Variants in FBXO4 observed in about 807,000 individuals in gnomAD.
FBXO4 encodes the protein F-box protein 4, also known as F-box only protein 4.
A neutral mutation model predicts 43.7 loss-of-function variants in FBXO4; 36 were observed. The ratio of observed to expected loss-of-function variants is 0.82; its 90% CI spans 0.63 to 1.09. The LOEUF is 1.09. Ranked by LOEUF, FBXO4 falls within the 50% of genes least tolerant of loss-of-function variation. FBXO4 has a pLI of 0.00. For missense variants in FBXO4, 435 were observed against 474.1 expected (o/e 0.92, Z 0.77); for synonymous variants, 180 against 165.6 (o/e 1.09, Z -0.67).
chr5:42,033,131 A>C, the FBXO4 span, among the ~76,000 whole-genome samples: 1 of 152,134 alleles, frequency 6.6e-6, no homozygotes, highest in Non-Finnish European at 1.5e-5. Flanking sequence ...TCCTCTACTT[A>C]AGTGGAAGGA....
chr5:41,954,466 A>G, the FBXO4 span, among the ~76,000 whole-genome samples: 1 of 152,216 alleles, frequency 6.6e-6, no homozygotes, highest in East Asian at 1.9e-4. Context: ...TCAGACCTGT[A>G]TAACCACTCT....
the FBXO4 span, among the ~76,000 whole-genome samples, chr5:42,026,084 T>C: frequency 7.6e-4 from 116 of 152,088 alleles, 1 homozygote; most frequent in African/African-American, 2.7e-3. Flanking sequence ...AGAATGTCAC[T>C]GGTATTTTGA....
At chr5:41,940,129 G>C (rs1751967538) in intron 6 of FBXO4, among the ~76,000 whole-genome samples, 1 of 151,776 alleles carries the variant, frequency 6.6e-6, no homozygotes, top group Non-Finnish European at 1.5e-5. Flanking sequence ...GGGATTACAG[G>C]TGTGAGCCAT....
the FBXO4 span, among the ~76,000 whole-genome samples, chr5:41,958,373 A>G: frequency 1.3e-5 from 2 of 152,128 alleles, no homozygotes; most frequent in African/African-American, 4.8e-5. Flanking sequence ...TGACCTCGTG[A>G]TCGCCCACCT....
At chr5:42,009,988 A>G in the FBXO4 span, among the ~76,000 whole-genome samples, 1 of 152,110 alleles carries the variant, frequency 6.6e-6, no homozygotes, top group East Asian at 1.9e-4. Flanking sequence ...TATAAATTTG[A>G]TTACTCTAGG....
the FBXO4 span, among the ~76,000 whole-genome samples, chr5:41,953,757 G>A: frequency 1.3e-5 from 2 of 151,638 alleles, no homozygotes; most frequent in South Asian, 2.1e-4. Flanking sequence ...GTGATGATGA[G>A]CATTTTTTCA....
intron 5 of FBXO4, among the ~76,000 whole-genome samples, chr5:41,938,376 T>TG (rs1412090903): frequency 2.0e-5 from 3 of 152,100 alleles, no homozygotes; most frequent in Non-Finnish European, 4.4e-5. Flanking sequence ...ACTAAGCCAG[T>TG]AGTGGATATA....
chr5:42,008,893 AG>A, the FBXO4 span, among the ~76,000 whole-genome samples: 1 of 152,092 alleles, frequency 6.6e-6, no homozygotes, highest in African/African-American at 2.4e-5. Flanking sequence ...AGGCCAGGCA[AG>A]GGGTTTCATT....
chr5:42,011,061 G>A, the FBXO4 span, among the ~76,000 whole-genome samples: 5 of 152,158 alleles, frequency 3.3e-5, no homozygotes, highest in Non-Finnish European at 4.4e-5. Context: ...AGTGTGTGAT[G>A]TTCCCTTTCC....
chr5:42,036,841 A>G, the FBXO4 span, among the ~76,000 whole-genome samples: 1 of 152,030 alleles, frequency 6.6e-6, no homozygotes, highest in East Asian at 1.9e-4. Flanking sequence ...TACCATATGC[A>G]TTTTGAAAGC....
At chr5:41,988,716 T>G in the FBXO4 span, among the ~76,000 whole-genome samples, 2 of 152,228 alleles carry the variant, frequency 1.3e-5, no homozygotes, top group Non-Finnish European at 1.5e-5. Context: ...AGCAGTTTGC[T>G]CTATGATCTC....
intron 3 of FBXO4, among the ~76,000 whole-genome samples, chr5:41,930,955 G>A (rs1021924878): frequency 3.3e-5 from 5 of 152,128 alleles, no homozygotes; most frequent in East Asian, 1.9e-4. Flanking sequence ...CGCGCCCGGC[G>A]GAGAACTACA....
chr5:41,973,143 A>G, the FBXO4 span, among the ~76,000 whole-genome samples: 2 of 152,162 alleles, frequency 1.3e-5, no homozygotes, highest in African/African-American at 4.8e-5. Context: ...ACAACCTACA[A>G]AGTGGGAAAA....
chr5:41,978,951 A>C, the FBXO4 span, among the ~76,000 whole-genome samples: 1 of 152,040 alleles, frequency 6.6e-6, no homozygotes, highest in Non-Finnish European at 1.5e-5. Flanking sequence ...AAAGGTATTG[A>C]TCCTCTTAAG....
chr5:41,984,152 T>A, the FBXO4 span, among the ~76,000 whole-genome samples: 1 of 152,158 alleles, frequency 6.6e-6, no homozygotes, highest in African/African-American at 2.4e-5. Context: ...TTAGCAAATT[T>A]TATCCATGGC....
At chr5:41,951,078 G>C in the FBXO4 span, among the ~76,000 whole-genome samples, 10 of 152,180 alleles carry the variant, frequency 6.6e-5, no homozygotes, top group Non-Finnish European at 1.5e-4. Flanking sequence ...AGGGGGCTAA[G>C]GGAGGGATAG....
chr5:41,983,866 T>C, the FBXO4 span, among the ~76,000 whole-genome samples: 12,859 of 152,010 alleles, frequency 0.085, 726 homozygotes, highest in African/African-American at 0.16. Context: ...AATTATATAT[T>C]TTTTAGTTTT....
chr5:41,967,982 G>T, the FBXO4 span: 1 of 461,214 alleles, frequency 2.2e-6, no homozygotes, highest in South Asian at 1.7e-5. Flanking sequence ...GCCACGCTCA[G>T]GCATGGCCCT....
the FBXO4 span, among the ~76,000 whole-genome samples, chr5:41,986,310 A>G: frequency 1.3e-5 from 2 of 151,936 alleles, no homozygotes; most frequent in African/African-American, 4.8e-5. Flanking sequence ...AAGATTTACC[A>G]TCTTTTTGAC....
Sources: allele counts gnomAD v4.1 joint callset (sites outside exome capture counted in the v4.1 genomes callset), GRCh38; gene constraint gnomAD v4.1.1; transcripts MANE v1.5; gene names NCBI Gene and HGNC (gene_info 2026-07-23, HGNC 2026-07-21).